The following CUX2 variants were observed in gnomAD, a reference collection of about 807,000 sequenced individuals.
CUX2 encodes cut like homeobox 2.
CUX2 carries 40 observed loss-of-function variants against 144.8 expected under a neutral mutation model. That is an observed-to-expected ratio of 0.28 (90% CI 0.21 to 0.36). The LOEUF (loss-of-function observed/expected upper bound fraction) is 0.36. CUX2 is among the 10% of genes least tolerant of loss of function. The pLI, the probability that CUX2 is intolerant of heterozygous loss-of-function variation, is 1.00. For synonymous variants in CUX2, 827 were observed against 875.6 expected (o/e 0.94, Z 0.98); for missense variants, 1,615 against 1,994.0 (o/e 0.81, Z 3.62).
intron 3 of CUX2, among the ~76,000 whole-genome samples, chr12:111,250,578 G>T (rs1883514692): frequency 6.6e-6 from 1 of 152,214 alleles, no homozygotes; most frequent in African/African-American, 2.4e-5. Context: ...AACGAGCCTG[G>T]CCTTCGGAGG....
intron 1 of CUX2, chr12:111,099,686 G>A: frequency 2.2e-6 from 1 of 456,598 alleles, no homozygotes; most frequent in Non-Finnish European, 4.4e-6. Context: ...CCAGCTTTGG[G>A]GCTCCCAGTC....
At chr12:111,152,354 T>G (rs188026220) in intron 1 of CUX2, among the ~76,000 whole-genome samples, 19 of 152,240 alleles carry the variant, frequency 1.2e-4, no homozygotes, top group African/African-American at 4.3e-4. Flanking sequence ...TGGCTGGTAG[T>G]GCAGGCAATA....
chr12:111,111,104 C>A (rs1873923447), intron 1 of CUX2, among the ~76,000 whole-genome samples: 1 of 152,182 alleles, frequency 6.6e-6, no homozygotes, highest in African/African-American at 2.4e-5. Flanking sequence ...GAGTTCGAGA[C>A]CACCGTGGCC....
At chr12:111,283,623 G>A (rs759126772) in intron 4 of CUX2, among the ~76,000 whole-genome samples, 22 of 152,286 alleles carry the variant, frequency 1.4e-4, no homozygotes, top group Non-Finnish European at 2.5e-4. Context: ...GGGACGCTAA[G>A]TGACTTTCCC....
At chr12:111,261,488 C>A (rs1474269104) in intron 3 of CUX2, among the ~76,000 whole-genome samples, 1 of 149,556 alleles carries the variant, frequency 6.7e-6, no homozygotes, top group Non-Finnish European at 1.5e-5. Flanking sequence ...AAGATAGGGT[C>A]TCATTCTATT....
intron 1 of CUX2, among the ~76,000 whole-genome samples, chr12:111,040,013 G>A (rs1028270876): frequency 1.3e-5 from 2 of 152,176 alleles, no homozygotes; most frequent in Admixed American, 1.3e-4. Flanking sequence ...TGGCCCAGGC[G>A]AGGTGGCTCA....
At chr12:111,220,781 T>A (rs1353510687) in intron 3 of CUX2, among the ~76,000 whole-genome samples, 889 of 64,694 alleles carry the variant, frequency 0.014, 8 homozygotes, top group African/African-American at 0.038. Context: ...AAAAAAAAAA[T>A]TTAAATGAGC....
chr12:111,243,145 GA>G (rs1565869052), intron 3 of CUX2, among the ~76,000 whole-genome samples: 1 of 151,916 alleles, frequency 6.6e-6, no homozygotes, highest in African/African-American at 2.4e-5. Context: ...CTTTATTATG[GA>G]AAAAATCCAG....
chr12:111,247,070 T>A (rs1290689803), intron 3 of CUX2, among the ~76,000 whole-genome samples: 1 of 152,202 alleles, frequency 6.6e-6, no homozygotes, highest in East Asian at 1.9e-4. Flanking sequence ...TATCATCACC[T>A]TAATCCTGAT....
chr12:111,253,152 TC>T (rs1883650042), intron 3 of CUX2, among the ~76,000 whole-genome samples: 1 of 152,000 alleles, frequency 6.6e-6, no homozygotes, highest in Admixed American at 6.6e-5. Flanking sequence ...AGACCCTCAG[TC>T]CCTTCTCCGC....
chr12:111,328,580 TTGTGTGTGTGTGTGTGTG>T (rs568983449), intron 18 of CUX2, among the ~76,000 whole-genome samples: 6 of 135,752 alleles, frequency 4.4e-5, no homozygotes, highest in Non-Finnish European at 9.4e-5. Context: ...CCAATTTCTT[TTGTGTGTGTGTGTGTGTG>T]TGTGTGTGTG....
chr12:111,245,356 T>G (rs999143777), intron 3 of CUX2, among the ~76,000 whole-genome samples: 1 of 151,606 alleles, frequency 6.6e-6, no homozygotes, highest in African/African-American at 2.4e-5. Flanking sequence ...GGCAACATAG[T>G]GAGACCCCCA....
At chr12:111,202,194 C>T (rs965984072) in intron 1 of CUX2, among the ~76,000 whole-genome samples, 6 of 152,238 alleles carry the variant, frequency 3.9e-5, no homozygotes, top group African/African-American at 1.2e-4. Context: ...GAAGCACTCT[C>T]TGGCCTCTCA....
chr12:111,096,863 G>A (rs1378921080), intron 1 of CUX2, among the ~76,000 whole-genome samples: 4 of 151,860 alleles, frequency 2.6e-5, no homozygotes, highest in South Asian at 4.2e-4. Flanking sequence ...CTGTAATCCC[G>A]GCTACTTGGG....
At chr12:111,260,150 G>A (rs922505144) in intron 3 of CUX2, among the ~76,000 whole-genome samples, 7 of 151,266 alleles carry the variant, frequency 4.6e-5, no homozygotes, top group South Asian at 2.1e-4. Flanking sequence ...GCAATACAGC[G>A]AGACTGTCCA....
intron 1 of CUX2, among the ~76,000 whole-genome samples, chr12:111,144,375 G>A (rs965837206): frequency 6.6e-5 from 10 of 152,060 alleles, no homozygotes; most frequent in African/African-American, 1.7e-4. Flanking sequence ...CCTCCTATTC[G>A]GAACGTCTCT....
chr12:111,099,440 G>A (rs1873060274), intron 1 of CUX2: 28 of 410,434 alleles, frequency 6.8e-5, no homozygotes, highest in South Asian at 4.9e-4. Context: ...TTCATTTCTT[G>A]CCAAGCCCGG....
intron 1 of CUX2, among the ~76,000 whole-genome samples, chr12:111,062,268 C>G (rs920970563): frequency 1.3e-5 from 2 of 151,866 alleles, no homozygotes; most frequent in Admixed American, 6.6e-5. Context: ...CACTCACACA[C>G]GCTCTCTCAT....
At chr12:111,134,884 G>T (rs1422828176) in intron 1 of CUX2, among the ~76,000 whole-genome samples, 1 of 152,160 alleles carries the variant, frequency 6.6e-6, no homozygotes, top group Non-Finnish European at 1.5e-5. Flanking sequence ...GGTTCCTACA[G>T]CTAGTTCAGT....
Sources: allele counts gnomAD v4.1 joint callset (sites outside exome capture counted in the v4.1 genomes callset), GRCh38; gene constraint gnomAD v4.1.1; transcripts MANE v1.5; gene names NCBI Gene and HGNC (gene_info 2026-07-23, HGNC 2026-07-21).